Variants in PDE1A observed in about 807,000 individuals in gnomAD.
The protein encoded by PDE1A is phosphodiesterase 1A, also known as dual specificity calcium/calmodulin-dependent 3',5'-cyclic nucleotide phosphodiesterase 1A.
A neutral mutation model predicts 61.7 loss-of-function variants in PDE1A; 35 were observed. The observed-to-expected ratio is 0.57, with a 90% CI of 0.43 to 0.75. The LOEUF (loss-of-function observed/expected upper bound fraction) is 0.75, where lower values mean the gene tolerates loss of function less well. PDE1A is among the 30% of genes least tolerant of loss of function. PDE1A has a pLI of 0.00. For synonymous variants in PDE1A, 232 were observed against 213.2 expected (o/e 1.09, Z -0.77); for missense variants, 597 against 630.6 (o/e 0.95, Z 0.57).
rs569190375 is a variant in PDE1A at position 182,502,025 on chromosome 2, C to A, written c.101+20251G>T. ...AGATCTGACTTTAAATACGACACCGCTGGCAGGCCCTCAGACTGCCTGCCC... is the reference window on the plus strand; with the variant it reads ...AGATCTGACTTTAAATACGACACCGATGGCAGGCCCTCAGACTGCCTGCCC... On this transcript the variant is annotated intron_variant, in intron 2 of 14. Coordinates refer to the PDE1A transcript ENST00000410103. Among the ~76,000 whole-genome samples the A allele has an allele frequency of 9.8e-5, 15 of 152,304 alleles. No individual in the cohort carries two copies. In the South Asian group the frequency reaches 3.1e-3, roughly 32 times the overall value.
chr2:182,601,680 CCAA>C, the PDE1A span, among the ~76,000 whole-genome samples: 39 of 152,112 alleles, frequency 2.6e-4, no homozygotes, highest in Non-Finnish European at 8.8e-5. Context: ...CTAGGATGTT[CCAA>C]CGAGTGTTCA....
intron 2 of PDE1A, among the ~76,000 whole-genome samples, chr2:182,444,045 G>A (rs1024089062): frequency 6.6e-6 from 1 of 152,126 alleles, no homozygotes; most frequent in Non-Finnish European, 1.5e-5. Flanking sequence ...AGGTACTTAT[G>A]TATAGCAATA....
the PDE1A span, among the ~76,000 whole-genome samples, chr2:182,574,370 A>T: frequency 3.9e-5 from 6 of 152,224 alleles, no homozygotes; most frequent in Admixed American, 6.5e-5. Flanking sequence ...CTCAGTATTA[A>T]CAACCACAAG....
chr2:182,174,097 G>A (rs897304608), intron 13 of PDE1A, among the ~76,000 whole-genome samples: 1 of 152,060 alleles, frequency 6.6e-6, no homozygotes, highest in African/African-American at 2.4e-5. Flanking sequence ...TACCACAGGG[G>A]AATGTAGGTC....
chr2:182,497,914 C>A (rs1225438979), intron 2 of PDE1A, among the ~76,000 whole-genome samples: 4 of 151,932 alleles, frequency 2.6e-5, no homozygotes, highest in African/African-American at 9.7e-5. Flanking sequence ...GGCGTGGTGG[C>A]AGGCACCTGT....
intron 1 of PDE1A, among the ~76,000 whole-genome samples, chr2:182,382,684 A>G (rs1700802876): frequency 6.8e-6 from 1 of 148,000 alleles, no homozygotes; most frequent in South Asian, 2.2e-4. Flanking sequence ...CAAGAGACAC[A>G]CAGCTTAGTT....
intron 1 of PDE1A, among the ~76,000 whole-genome samples, chr2:182,272,976 A>G (rs1475868620): frequency 6.6e-6 from 1 of 152,128 alleles, no homozygotes; most frequent in African/African-American, 2.4e-5. Context: ...AGAACATTAG[A>G]GTAAGGAAGT....
chr2:182,268,854 C>T (rs1020740139), intron 1 of PDE1A, among the ~76,000 whole-genome samples: 2 of 152,078 alleles, frequency 1.3e-5, no homozygotes, highest in Non-Finnish European at 2.9e-5. Flanking sequence ...ATTTGTTTCT[C>T]ATTGACAACG....
the PDE1A span, among the ~76,000 whole-genome samples, chr2:182,669,690 C>T: frequency 6.6e-6 from 1 of 152,224 alleles, no homozygotes; most frequent in African/African-American, 2.4e-5. Flanking sequence ...ATTCGCACAG[C>T]TCTTGACTGC....
At chr2:182,201,412 C>T (rs996167291) in intron 10 of PDE1A, 27 bp downstream of exon 10, 1 of 1,612,162 alleles carries the variant, frequency 6.2e-7, no homozygotes, top group Non-Finnish European at 8.5e-7. Flanking sequence ...TTTCCAAAAA[C>T]ATTTGCACAG....
At chr2:182,155,165 C>T (rs992710705) in intron 13 of PDE1A, among the ~76,000 whole-genome samples, 1 of 149,538 alleles carries the variant, frequency 6.7e-6, no homozygotes, top group Non-Finnish European at 1.5e-5. Flanking sequence ...TGGCTCACTG[C>T]AGCCTCCACC....
chr2:182,436,600 C>T (rs1487188209), intron 2 of PDE1A, among the ~76,000 whole-genome samples: 1 of 151,952 alleles, frequency 6.6e-6, no homozygotes, highest in African/African-American at 2.4e-5. Flanking sequence ...CCCTCATCTG[C>T]TCTTTACATG....
chr2:182,181,988 C>G (rs769379982), intron 13 of PDE1A, among the ~76,000 whole-genome samples: 1 of 152,156 alleles, frequency 6.6e-6, no homozygotes, highest in African/African-American at 2.4e-5. Context: ...ATAATATGTA[C>G]ATACTACAGT....
At chr2:182,426,879 A>G (rs983927275) in exon 1 of PDE1A, 1 of 1,287,460 alleles carries the variant, frequency 7.8e-7, no homozygotes, top group Non-Finnish European at 9.8e-7. Flanking sequence ...AAAACCACCA[A>G]GAGTCACGTT....
chr2:182,291,887 C>A (rs866732), intron 1 of PDE1A, among the ~76,000 whole-genome samples: 2,412 of 152,088 alleles, frequency 0.016, 39 homozygotes, highest in African/African-American at 0.032. Flanking sequence ...TATTTGTATG[C>A]AATTTGGAGA....
chr2:182,238,278 A>AAAAG (rs1553548541), intron 3 of PDE1A, among the ~76,000 whole-genome samples: 2 of 150,100 alleles, frequency 1.3e-5, no homozygotes, highest in Middle Eastern at 3.2e-3. Context: ...AAAAAAAAAA[A>AAAAG]AAAAGAAAAA....
chr2:182,285,985 C>T lies in PDE1A; in HGVS notation c.54-21571G>A, dbSNP rs192079947. Reference sequence around the variant, plus strand: ...CTCTGTAAGTCTTAGTGTTTTCATCCGTAAAGCTGGAAAATGAATAGTTTG... The same window carrying T: ...CTCTGTAAGTCTTAGTGTTTTCATCTGTAAAGCTGGAAAATGAATAGTTTG... On this transcript the variant is annotated intron_variant, in intron 1 of 13. Transcript: ENST00000351439. Among the ~76,000 whole-genome samples, 100 of 152,126 alleles carry T rather than the reference C, an allele frequency of 6.6e-4. 1 individual carries two copies. The East Asian group carries it at 0.017, about 26-fold the overall frequency.
At chr2:182,550,174 AGAAAGTAAATGT>A in the PDE1A span, among the ~76,000 whole-genome samples, 1 of 152,244 alleles carries the variant, frequency 6.6e-6, no homozygotes, top group African/African-American at 2.4e-5. Flanking sequence ...CTATAAATAA[AGAAAGTAAATGT>A]GAGAATGACA....
chr2:182,599,851 A>C, the PDE1A span, among the ~76,000 whole-genome samples: 1 of 152,238 alleles, frequency 6.6e-6, no homozygotes, highest in Non-Finnish European at 1.5e-5. Context: ...CCCAAATGTA[A>C]TATCTGATTA....
Sources: gnomAD v4.1 joint callset for allele counts (sites outside exome capture counted in the v4.1 genomes callset) on GRCh38, gnomAD v4.1.1 for gene constraint, MANE v1.5 for transcripts, NCBI Gene and HGNC (gene_info 2026-07-23, HGNC 2026-07-21) for gene names.